The following MCPH1 variants were observed in gnomAD, a reference collection of about 807,000 sequenced individuals.
The protein encoded by MCPH1 is microcephalin.
A neutral mutation model predicts 84.5 loss-of-function variants in MCPH1; 104 were observed. The observed-to-expected ratio is 1.23, with a 90% confidence interval of 1.05 to 1.45. The LOEUF is 1.45. MCPH1 is among the 40% of genes most tolerant of loss of function. MCPH1 has a pLI of 0.00. For missense variants in MCPH1, 1,498 were observed against 1,005.7 expected, an observed-to-expected ratio of 1.49 and a Z score of -6.62; for synonymous variants, 514 against 366.8, an observed-to-expected ratio of 1.40 and a Z score of -4.58.
At chr8:6,469,119 G>T (rs1054181070) in intron 9 of MCPH1, among the ~76,000 whole-genome samples, 8 of 152,154 alleles carry the variant, frequency 5.3e-5, no homozygotes, top group Admixed American at 3.3e-4. Flanking sequence ...ATTCGAGGCT[G>T]CTCTGAGCCG....
intron 12 of MCPH1, among the ~76,000 whole-genome samples, chr8:6,515,058 C>T (rs557398299): frequency 1.3e-5 from 2 of 151,810 alleles, no homozygotes; most frequent in East Asian, 3.9e-4. Context: ...GGCTAAAGAC[C>T]CCACCCTGAT....
intron 9 of MCPH1, among the ~76,000 whole-genome samples, chr8:6,465,242 T>G (rs1292481329): frequency 6.6e-6 from 1 of 152,200 alleles, no homozygotes; most frequent in Non-Finnish European, 1.5e-5. Context: ...ACTTGAATCC[T>G]TATTTTTATT....
intron 9 of MCPH1, among the ~76,000 whole-genome samples, chr8:6,471,216 G>A (rs1437245947): frequency 6.6e-6 from 1 of 152,062 alleles, no homozygotes; most frequent in Non-Finnish European, 1.5e-5. Context: ...GTAAGCGTTG[G>A]CGCCATAAAA....
At chr8:6,461,140 T>A (rs1249431920) in intron 9 of MCPH1, among the ~76,000 whole-genome samples, 1 of 151,894 alleles carries the variant, frequency 6.6e-6, no homozygotes, top group Non-Finnish European at 1.5e-5. Context: ...CAGTTTCTCT[T>A]AAAGAGTGAA....
In MCPH1 at chr8:6,643,987, A is replaced by C. The variant is rs142646244; in HGVS notation, c.*938A>C. The stretch of plus-strand genomic sequence containing the variant: ...GATTTGTGGCTGAGCACGGTGGCTC[A>C]CACCTGTCATCCCAGCCCTTTGGGA... On this transcript the variant is annotated 3_prime_UTR_variant, in exon 14 of 14. Transcript: ENST00000344683. The C allele has an allele frequency of 8.0e-4, 122 of 152,366 alleles. No individual in the cohort carries two copies. The highest frequency in any genetic ancestry group is 2.8e-3 in the African/African-American group (118 of 41,560). 9.4% of individuals were successfully genotyped at this position (152,366 alleles called of 1,614,324 possible).
chr8:6,621,755 G>T (rs1040697320), intron 13 of MCPH1, 64 bp downstream of exon 13: 2 of 1,608,552 alleles, frequency 1.2e-6, no homozygotes, highest in Admixed American at 1.7e-5. Context: ...TTCCAGGGAG[G>T]GCGGCGTCAG....
intron 13 of MCPH1, among the ~76,000 whole-genome samples, chr8:6,634,500 G>A (rs1206254614): frequency 2.0e-5 from 3 of 152,234 alleles, no homozygotes; most frequent in Admixed American, 1.3e-4. Flanking sequence ...TGACTGTGCA[G>A]TGCTGTGCAA....
chr8:6,452,541 T>C (rs1376062708), intron 8 of MCPH1, among the ~76,000 whole-genome samples: 1 of 152,268 alleles, frequency 6.6e-6, no homozygotes. Context: ...TTGTGTCCTT[T>C]GACCCCCACA....
intron 12 of MCPH1, among the ~76,000 whole-genome samples, chr8:6,588,297 G>C (rs535343799): frequency 1.6e-4 from 24 of 152,070 alleles, no homozygotes; most frequent in African/African-American, 5.1e-4. Flanking sequence ...CCTTGATAAA[G>C]CAAGTCACCG....
At chr8:6,561,425 T>A (rs992606227) in intron 12 of MCPH1, among the ~76,000 whole-genome samples, 19 of 152,338 alleles carry the variant, frequency 1.2e-4, no homozygotes, top group Non-Finnish European at 2.2e-4. Flanking sequence ...AGTCGTTTCC[T>A]CTCTGAAGGT....
In MCPH1 at chr8:6,442,065, A is replaced by T. The variant is rs1229643412; in HGVS notation, c.581-2A>T. The T allele has an allele frequency of 6.2e-7, 1 of 1,609,572 alleles. No homozygotes were observed. The highest frequency in any genetic ancestry group is 8.5e-7 in the Non-Finnish European group (1 of 1,175,938). ...AATGCAGTGTCTTGGTCCTGTTTTTAGCTTCCCAAATGATTCAGCAGTCTC... is the reference window on the plus strand; with the variant it reads ...AATGCAGTGTCTTGGTCCTGTTTTTTGCTTCCCAAATGATTCAGCAGTCTC... On this transcript the variant is annotated splice_acceptor_variant, in intron 6 of 13. Coordinates refer to ENST00000344683, the MANE Select transcript of MCPH1 (RefSeq NM_024596.5). LOFTEE classifies it high-confidence loss of function.
At chr8:6,609,537 G>A (rs1490529203) in intron 12 of MCPH1, among the ~76,000 whole-genome samples, 4 of 152,128 alleles carry the variant, frequency 2.6e-5, no homozygotes, top group East Asian at 3.8e-4. Flanking sequence ...TGTCTGAATC[G>A]CCTTCAGCGA....
At chr8:6,421,195 C>G (rs907318259) in intron 3 of MCPH1, among the ~76,000 whole-genome samples, 8 of 152,186 alleles carry the variant, frequency 5.3e-5, no homozygotes, top group South Asian at 2.1e-4. Context: ...GGGAAATGGC[C>G]TCTCCCTGGC....
intron 3 of MCPH1, among the ~76,000 whole-genome samples, chr8:6,415,649 C>T (rs140224180): frequency 1.2e-4 from 18 of 152,100 alleles, no homozygotes; most frequent in East Asian, 3.9e-4. Context: ...CCACCGTGCG[C>T]GGCCCACACA....
chr8:6,434,985 T>TA (rs1802435647), intron 4 of MCPH1, among the ~76,000 whole-genome samples: 1 of 152,072 alleles, frequency 6.6e-6, no homozygotes, highest in Admixed American at 6.6e-5. Flanking sequence ...GTGGGGTGGG[T>TA]AAGGCTGGGA....
chr8:6,532,104 G>A (rs1157468262), intron 12 of MCPH1, among the ~76,000 whole-genome samples: 3 of 152,204 alleles, frequency 2.0e-5, no homozygotes, highest in African/African-American at 7.2e-5. Context: ...CATGTCTTCA[G>A]TAGATAGAAC....
chr8:6,460,493 G>A (rs1285716479), intron 9 of MCPH1, among the ~76,000 whole-genome samples: 1 of 152,074 alleles, frequency 6.6e-6, no homozygotes, highest in African/African-American at 2.4e-5. Flanking sequence ...TGGGATTACA[G>A]GCGGGAGCCT....
intron 9 of MCPH1, among the ~76,000 whole-genome samples, chr8:6,469,361 C>G (rs185681512): frequency 1.2e-4 from 19 of 152,278 alleles, no homozygotes; most frequent in African/African-American, 4.1e-4. Flanking sequence ...CTTGGGTCCA[C>G]AGACTGAGTC....
At chr8:6,527,513 G>T (rs1818556183) in intron 12 of MCPH1, 10 of 1,592,240 alleles carry the variant, frequency 6.3e-6, no homozygotes, top group Non-Finnish European at 8.6e-6. Flanking sequence ...TATCTGGAAA[G>T]TGTGCAGTCC....
Sources: allele counts gnomAD v4.1 joint callset (sites outside exome capture counted in the v4.1 genomes callset), GRCh38; gene constraint gnomAD v4.1.1; transcripts MANE v1.5; gene names NCBI Gene and HGNC (gene_info 2026-07-23, HGNC 2026-07-21).